Variants in LRRK2 observed in about 807,000 individuals in gnomAD.
LRRK2 encodes leucine-rich repeat serine/threonine-protein kinase 2.
A neutral mutation model predicts 302.6 loss-of-function variants in LRRK2; 203 were observed. The ratio of observed to expected loss-of-function variants is 0.67; its 90% CI spans 0.60 to 0.75. LRRK2 has a LOEUF of 0.75. LRRK2 is among the 30% of genes least tolerant of loss of function. LRRK2 has a pLI of 0.00. For synonymous variants in LRRK2, 1,066 were observed against 1,031.9 expected (o/e 1.03, Z -0.63); for missense variants, 2,830 against 2,951.0 (o/e 0.96, Z 0.95).
At chr12:40,331,292 A>G (rs1264374274) in intron 39 of LRRK2, among the ~76,000 whole-genome samples, 1 of 152,190 alleles carries the variant, frequency 6.6e-6, no homozygotes, top group East Asian at 1.9e-4. Flanking sequence ...AGGTTAGACC[A>G]TAGACTTTTA....
chr12:40,336,656 A>G (rs968444146), intron 40 of LRRK2, among the ~76,000 whole-genome samples: 1 of 152,236 alleles, frequency 6.6e-6, no homozygotes, highest in African/African-American at 2.4e-5. Flanking sequence ...GTATCCAGAA[A>G]TGTTCCTTCC....
intron 28 of LRRK2, 112 bp downstream of exon 28, chr12:40,306,078 T>C: frequency 1.2e-6 from 1 of 839,610 alleles, no homozygotes; most frequent in Non-Finnish European, 1.9e-6. Flanking sequence ...AATAGTAATA[T>C]TTGGCATTAA....
chr12:40,280,533 G>C (rs1943642230), intron 18 of LRRK2, among the ~76,000 whole-genome samples: 1 of 151,848 alleles, frequency 6.6e-6, no homozygotes, highest in Admixed American at 6.6e-5. Context: ...TCTGAGGTGG[G>C]AGGATGACTT....
intron 20 of LRRK2, among the ~76,000 whole-genome samples, chr12:40,290,654 A>G (rs1274940160): frequency 1.3e-5 from 2 of 152,090 alleles, no homozygotes; most frequent in Non-Finnish European, 2.9e-5. Context: ...CCCATTTCAT[A>G]TAAGTTGCCA....
intron 19 of LRRK2, 122 bp from the exon 20 acceptor site, chr12:40,287,227 CTT>C: frequency 2.3e-6 from 2 of 859,132 alleles, no homozygotes; most frequent in South Asian, 3.0e-5. Context: ...TGTAAGGTGA[CTT>C]TGAAAGGAAA....
intron 42 of LRRK2, 24 bp from the exon 43 acceptor site, chr12:40,348,385 G>C: frequency 6.8e-7 from 1 of 1,478,536 alleles, no homozygotes; most frequent in Non-Finnish European, 9.5e-7. Flanking sequence ...TAGTATGCTA[G>C]CATGATGTTT....
At chr12:40,259,940 A>G (rs1373345724) in intron 13 of LRRK2, among the ~76,000 whole-genome samples, 2 of 151,744 alleles carry the variant, frequency 1.3e-5, no homozygotes, top group African/African-American at 4.8e-5. Context: ...CTCTTGTTTG[A>G]ATTGTACTAT....
intron 7 of LRRK2, among the ~76,000 whole-genome samples, chr12:40,245,977 T>G (rs1208867906): frequency 6.6e-6 from 1 of 151,968 alleles, no homozygotes; most frequent in East Asian, 1.9e-4. Context: ...TCAGAATTAT[T>G]AATATAGTGT....
Position 40,225,441 on chromosome 12 carries a change from G to T in LRRK2, c.152-114G>T, listed in dbSNP as rs1940819448. The T allele has an allele frequency of 4.8e-6, 6 of 1,261,394 alleles. No individual in the cohort carries two copies. In the South Asian group the frequency reaches 7.5e-5, roughly 16 times the overall value. 78.1% of individuals were successfully genotyped at this position (1,261,394 alleles called of 1,614,324 possible). On this transcript the variant is annotated intron_variant, in intron 1 of 50. Coordinates refer to ENST00000298910, the MANE Select transcript of LRRK2 (RefSeq NM_198578.4). Reference sequence around the variant, plus strand: ...TTTCCTTAGGGCAGAAAGCAGCTGAGAATTTCAGGAAGGTCTTCACCTTTT... The same window carrying T: ...TTTCCTTAGGGCAGAAAGCAGCTGATAATTTCAGGAAGGTCTTCACCTTTT...
At chr12:40,248,795 G>A (rs961779610) in intron 7 of LRRK2, among the ~76,000 whole-genome samples, 10 of 152,288 alleles carry the variant, frequency 6.6e-5, no homozygotes, top group African/African-American at 2.4e-4. Flanking sequence ...AGTGGTGTGG[G>A]TATAATAGGG....
At chr12:40,297,856 A>C (rs1006060799) in intron 23 of LRRK2, among the ~76,000 whole-genome samples, 2 of 152,122 alleles carry the variant, frequency 1.3e-5, no homozygotes, top group African/African-American at 4.8e-5. Flanking sequence ...AAATATGTAA[A>C]ATTTCTGACA....
rs1157399906 is a variant in LRRK2 at position 40,295,629 on chromosome 12, A to G, written c.3081A>G (p.Pro1027=). 1 of 1,613,874 alleles carries G rather than the reference A, an allele frequency of 6.2e-7. No individual in the cohort carries two copies. Among genetic ancestry groups the G allele is most frequent in the South Asian group, 1.1e-5 (1 of 91,066 alleles). The change falls in exon 23 of 51, where the codon CCA becomes CCG. Residue 1027 remains proline, a synonymous_variant. Transcript: ENST00000298910. ...ACCAGAATGCACTCACGAGCTTTCC[A>G]CAACAGCTATGTGAAGTAAATTTAA... is the stretch of plus-strand genomic sequence containing the variant. The part of the protein sequence containing the change: ...ELHQNALTSF[P]QQLCETLKSL...
chr12:40,355,946 A>C lies in LRRK2; in HGVS notation c.6771-169A>C, dbSNP rs371744749. 2.2e-4 allele frequency among the ~76,000 whole-genome samples: 33 copies of C among 152,336 alleles called. No individual in the cohort carries two copies. In the South Asian group the frequency reaches 6.8e-3, roughly 32 times the overall value. ...AGAGTCTGGGAAAAGGGGCAGAGAAAGAATTTATAATTCCAAGTCTTCTAA... is the reference window on the plus strand; with the variant it reads ...AGAGTCTGGGAAAAGGGGCAGAGAACGAATTTATAATTCCAAGTCTTCTAA... On this transcript the variant is annotated intron_variant, in intron 45 of 50. Coordinates refer to ENST00000298910, the MANE Select transcript of LRRK2 (RefSeq NM_198578.4).
Position 40,315,231 on chromosome 12 carries a change from A to G in LRRK2, c.4758A>G (p.Gln1586=). The change falls in exon 33 of 51, where the codon CAA becomes CAG. Residue 1586 remains glutamine (Q), a synonymous_variant. Transcript: ENST00000298910. ...CTACAGGAGTCCTTCTTCATTTTCA[A>G]GACCCAGCACTGCAGTTAAGTGACT... is the stretch of plus-strand genomic sequence containing the variant. ...LNESGVLLHF[Q]DPALQLSDLY... 1 of 1,612,502 alleles carries G rather than the reference A, an allele frequency of 6.2e-7. No individual in the cohort carries two copies. Among genetic ancestry groups the G allele is most frequent in the Non-Finnish European group, 8.5e-7 (1 of 1,178,762 alleles).
At chr12:40,354,723 C>T (rs1565776288) in intron 45 of LRRK2, among the ~76,000 whole-genome samples, 1 of 152,140 alleles carries the variant, frequency 6.6e-6, no homozygotes, top group African/African-American at 2.4e-5. Context: ...GGCCTACCAG[C>T]CCTGCTCCTG....
intron 18 of LRRK2, 83 bp downstream of exon 18, chr12:40,278,344 A>G (rs965730436): frequency 1.5e-5 from 22 of 1,476,950 alleles, no homozygotes; most frequent in Non-Finnish European, 1.7e-5. Flanking sequence ...TCTCTTACTT[A>G]TATCATATTA....
chr12:40,319,420 C>T lies in LRRK2; in HGVS notation c.4828-568C>T, dbSNP rs577556553. Among the ~76,000 whole-genome samples, 50 of 152,046 alleles carry T rather than the reference C, an allele frequency of 3.3e-4. No individual in the cohort carries two copies. In the South Asian group the frequency reaches 3.3e-3, roughly 10 times the overall value. ...AGTGTGATCTCTGTGTTAGAAACAT[C>T]GGGGTTGCTCTTTAAAAAAGCCGAT... On this transcript the variant is annotated intron_variant, in intron 33 of 50. Coordinates refer to ENST00000298910, the MANE Select transcript of LRRK2 (RefSeq NM_198578.4).
At position 40,305,330 on chromosome 12, in the gene LRRK2, C is replaced by A. The variant is rs114026808; in HGVS notation, c.3778-455C>A. On this transcript the variant is annotated intron_variant, in intron 27 of 50. Coordinates refer to ENST00000298910, the MANE Select transcript of LRRK2 (RefSeq NM_198578.4). ...AATTTGGAACAGAAAAGAAATTACT[C>A]CAATTAGGATGCCACCTAAAGTATA... 8.3e-3 allele frequency among the ~76,000 whole-genome samples: 1,259 copies of A among 152,104 alleles called. 12 individuals carry two copies. The highest frequency in any genetic ancestry group is 0.029 in the African/African-American group (1,192 of 41,546).
In LRRK2 at chr12:40,367,774, T is replaced by C; in HGVS notation, c.*9T>C. The C allele has an allele frequency of 1.2e-6, 2 of 1,602,290 alleles. No individual in the cohort carries two copies. The highest frequency in any genetic ancestry group is 1.7e-6 in the Non-Finnish European group (2 of 1,173,286). On this transcript the variant is annotated 3_prime_UTR_variant, in exon 51 of 51. Coordinates refer to ENST00000298910, the MANE Select transcript of LRRK2 (RefSeq NM_198578.4). ...GAACATCTGTTGAGTAAGAGAGAAA[T>C]AGGAATTGTCTTTGGATAGGAAAAT... is the stretch of plus-strand genomic sequence containing the variant.
Sources: allele counts gnomAD v4.1 joint callset (sites outside exome capture counted in the v4.1 genomes callset), GRCh38; gene constraint gnomAD v4.1.1; transcripts MANE v1.5; gene names NCBI Gene and HGNC (gene_info 2026-07-23, HGNC 2026-07-21).